The following PCDHGB2 variants were observed in gnomAD, a reference collection of about 807,000 sequenced individuals.
The protein encoded by PCDHGB2 is protocadherin gamma-B2.
A neutral mutation model predicts 59.3 loss-of-function variants in PCDHGB2; 55 were observed. The ratio of observed to expected loss-of-function variants is 0.93; its 90% CI spans 0.75 to 1.16. The LOEUF is 1.16. Among genes scored for constraint, PCDHGB2 ranks in the 50% most tolerant of loss-of-function variants. PCDHGB2 has a pLI of 0.00. For missense variants in PCDHGB2, 1,228 were observed against 1,198.5 expected, an observed-to-expected ratio of 1.02 and a Z score of -0.36; for synonymous variants, 516 against 512.0, an observed-to-expected ratio of 1.01 and a Z score of -0.11.
intron 1 of PCDHGB2, among the ~76,000 whole-genome samples, chr5:141,463,706 A>T (rs568865377): frequency 2.9e-3 from 440 of 152,024 alleles, no homozygotes; most frequent in Non-Finnish European, 4.6e-3. Context: ...TCGGCCTCCA[A>T]AAGTGCTGGG....
intron 1 of PCDHGB2, chr5:141,422,103 A>C: frequency 6.2e-7 from 1 of 1,608,206 alleles, no homozygotes; most frequent in Admixed American, 1.7e-5. Context: ...CTTCTGAAAT[A>C]TTCCAATTGG....
rs2099609528 is a variant in PCDHGB2 at position 141,485,211 on chromosome 5, G to A, written c.2422-9596G>A. 6.2e-7 allele frequency: 1 copy of A among 1,614,126 alleles called. No individual in the cohort carries two copies. The highest frequency in any genetic ancestry group is 8.5e-7 in the Non-Finnish European group (1 of 1,179,980). Reference sequence around the variant, plus strand: ...GTGAGAAGCTGGACAGAAATCTGGCGGTGGGCTACCCTTTTGTTCCTCTTT... The same window carrying A: ...GTGAGAAGCTGGACAGAAATCTGGCAGTGGGCTACCCTTTTGTTCCTCTTT... On this transcript the variant is annotated intron_variant, in intron 1 of 3. Transcript: ENST00000522605. This position sits in a 1 kb window ranked among gnomAD's most constrained non-coding sequence, Gnocchi z 5.7.
intron 1 of PCDHGB2, chr5:141,428,181 AG>A (rs776102500): frequency 6.7e-7 from 1 of 1,486,230 alleles, no homozygotes; most frequent in Admixed American, 1.8e-5. Context: ...GACGGAGGAC[AG>A]CCGCCGCTCT....
chr5:141,394,760 T>C (rs374519404), intron 1 of PCDHGB2: 68 of 1,613,366 alleles, frequency 4.2e-5, no homozygotes, highest in Middle Eastern at 3.3e-4. Flanking sequence ...TCCAGGACCA[T>C]GGCCAGCCCC....
intron 1 of PCDHGB2, chr5:141,441,752 C>A (rs1043293959): frequency 5.3e-6 from 2 of 377,970 alleles, no homozygotes; most frequent in Non-Finnish European, 5.3e-6. Flanking sequence ...TCGGCGTCAA[C>A]GTGAGCCTGC....
chr5:141,360,675 C>T lies in PCDHGB2; in HGVS notation c.540C>T (p.Leu180=). The T allele has an allele frequency of 5.0e-6, 8 of 1,613,980 alleles. No individual in the cohort carries two copies. The highest frequency in any genetic ancestry group is 6.8e-6 in the Non-Finnish European group (8 of 1,179,896). The change falls in exon 1 of 4, where the codon CTC becomes CTT. Residue 180 remains leucine (L), a synonymous_variant. Coordinates refer to ENST00000522605, the MANE Select transcript of PCDHGB2 (RefSeq NM_018923.3). ...TTAATGACAACGAGTACTTTGATCT[C>T]GCTGAGAAACAGACTCCAGATGGTC... ...YHLNDNEYFD[L]AEKQTPDGRK... is the part of the protein sequence containing the mutation.
chr5:141,361,587 T>A lies in PCDHGB2; in HGVS notation c.1452T>A (p.Ser484Arg). ...CCTCTGACCCTGACTTGGGCCCCAG[T>A]GGCCAAGTTTCCTACTCCATCGTAG... is the stretch of plus-strand genomic sequence containing the variant. ...ISASDPDLGP[S>R]GQVSYSIVAS... The change falls in exon 1 of 4, where the codon AGT (serine) becomes AGA (arginine). Residue 484 changes from serine to arginine, a missense_variant. By Grantham distance (110) the Ser-to-Arg change is moderately radical. Around this residue, in one of 3 missense-constraint regions of PCDHGB2, gnomAD observed 781 missense variants for 721.6 expected, o/e 1.08. Coordinates refer to ENST00000522605, the MANE Select transcript of PCDHGB2 (RefSeq NM_018923.3). 1 of 1,614,028 alleles carries A rather than the reference T, an allele frequency of 6.2e-7. No homozygotes were observed. The highest frequency in any genetic ancestry group is 8.5e-7 in the Non-Finnish European group (1 of 1,179,898).
chr5:141,477,634 G>C lies in PCDHGB2; in HGVS notation c.2422-17173G>C. 2 of 1,614,176 alleles carry C rather than the reference G, an allele frequency of 1.2e-6. No individual in the cohort carries two copies. Among genetic ancestry groups the C allele is most frequent in the Non-Finnish European group, 1.7e-6 (2 of 1,180,034 alleles). On this transcript the variant is annotated intron_variant, in intron 1 of 3. Transcript: ENST00000522605. This position sits in a 1 kb window ranked among gnomAD's most constrained non-coding sequence, Gnocchi z 4.9. Reference sequence around the variant, plus strand: ...AGCAAGGAGCTGAAACCGGGCTAGTGGGTCGCTATTTCACAATAAATCGTG... The same window carrying C: ...AGCAAGGAGCTGAAACCGGGCTAGTCGGTCGCTATTTCACAATAAATCGTG...
intron 2 of PCDHGB2, 37 bp downstream of exon 2, chr5:141,494,902 C>T (rs2099757367): frequency 1.9e-6 from 3 of 1,614,024 alleles, no homozygotes; most frequent in Non-Finnish European, 2.5e-6. Flanking sequence ...CTCTTCTCTG[C>T]GGCATTTTCT....
chr5:141,375,451 C>G (rs1561567898), intron 1 of PCDHGB2: 9 of 1,614,016 alleles, frequency 5.6e-6, no homozygotes, highest in Non-Finnish European at 7.6e-6. Flanking sequence ...CCCATTCATC[C>G]TACTCAGTCT....
Position 141,360,908 on chromosome 5 carries a change from G to GCTTC in PCDHGB2, c.774_777dup (p.Phe260LeufsTer13). On this transcript the variant is annotated frameshift_variant, in exon 1 of 4. Transcript: ENST00000522605. LOFTEE classifies it high-confidence loss of function. Reference sequence around the variant, plus strand: ...ACCCTGAGGGAGGACGTGCCGCCGGGCTTCTTTGTGCTTCAAGTGACAGCC... The same window carrying GCTTC: ...ACCCTGAGGGAGGACGTGCCGCCGGGCTTCCTTCTTTGTGCTTCAAGTGACAGCC... 6.2e-7 allele frequency: 1 copy of GCTTC among 1,614,016 alleles called. No homozygotes were observed. Among genetic ancestry groups the GCTTC allele is most frequent in the African/African-American group, 1.3e-5 (1 of 75,048 alleles).
intron 1 of PCDHGB2, among the ~76,000 whole-genome samples, chr5:141,369,558 C>A (rs1389001825): frequency 6.6e-6 from 1 of 152,088 alleles, no homozygotes; most frequent in Non-Finnish European, 1.5e-5. Flanking sequence ...CACTTGGAAA[C>A]AAAGGAAAAG....
intron 1 of PCDHGB2, chr5:141,394,556 C>T (rs752795340): frequency 1.9e-6 from 3 of 1,614,112 alleles, no homozygotes; most frequent in Admixed American, 3.3e-5. Context: ...CGCCCCGCTC[C>T]GCAGAGCGTG....
chr5:141,483,472 T>C (rs1457039859), intron 1 of PCDHGB2, among the ~76,000 whole-genome samples: 2 of 152,076 alleles, frequency 1.3e-5, no homozygotes, highest in Non-Finnish European at 2.9e-5. Flanking sequence ...TGACATGATA[T>C]AGGAAGTGAG....
chr5:141,404,475 A>G, intron 1 of PCDHGB2: 1 of 1,613,732 alleles, frequency 6.2e-7, no homozygotes, highest in Non-Finnish European at 8.5e-7. Flanking sequence ...GTCTCTATTA[A>G]CTCAGACACT....
Position 141,376,079 on chromosome 5 carries a change from G to A in PCDHGB2, c.2421+13523G>A, listed in dbSNP as rs367626751. ...TGTCACGCTCACCGTGGCCGTGGCC[G>A]ACAGGATCCCCGACATCCTGGCCGA... is the stretch of plus-strand genomic sequence containing the variant. On this transcript the variant is annotated intron_variant, in intron 1 of 3. Coordinates refer to ENST00000522605, the MANE Select transcript of PCDHGB2 (RefSeq NM_018923.3). The A allele has an allele frequency of 5.8e-5, 93 of 1,613,564 alleles. No individual in the cohort carries two copies. The highest frequency in any genetic ancestry group is 1.3e-4 in the Admixed American group (8 of 60,010).
At chr5:141,365,720 A>G (rs758782408) in intron 1 of PCDHGB2, 17 of 1,613,732 alleles carry the variant, frequency 1.1e-5, no homozygotes, top group Non-Finnish European at 1.2e-5. Flanking sequence ...TGTCACAGAA[A>G]ACAATCCCAG....
intron 1 of PCDHGB2, among the ~76,000 whole-genome samples, chr5:141,387,106 A>G (rs2090822229): frequency 6.6e-6 from 1 of 152,238 alleles, no homozygotes; most frequent in African/African-American, 2.4e-5. Context: ...GAATCACATA[A>G]TATTCCTGTA....
Position 141,489,213 on chromosome 5 carries a change from T to G in PCDHGB2, c.2422-5594T>G, listed in dbSNP as rs372898969. 11 of 1,473,392 alleles carry G rather than the reference T, an allele frequency of 7.5e-6. No homozygotes were observed. The highest frequency in any genetic ancestry group is 6.4e-6 in the Non-Finnish European group (7 of 1,091,332). 91.3% of individuals were successfully genotyped at this position (1,473,392 alleles called of 1,614,324 possible). On this transcript the variant is annotated intron_variant, in intron 1 of 3. Coordinates refer to ENST00000522605, the MANE Select transcript of PCDHGB2 (RefSeq NM_018923.3). This position sits in a 1 kb window ranked among gnomAD's most constrained non-coding sequence, Gnocchi z 4.5. Reference sequence around the variant, plus strand: ...ACCTTGGAGACAGGACAGCACAGACTTACTCTCCACAAAGGGACTTCTGGG... The same window carrying G: ...ACCTTGGAGACAGGACAGCACAGACGTACTCTCCACAAAGGGACTTCTGGG...
Sources: gnomAD v4.1 joint callset for allele counts (sites outside exome capture counted in the v4.1 genomes callset) on GRCh38, gnomAD v4.1.1 for gene constraint, gnomAD v4.1.1 regional missense constraint, Gnocchi (gnomAD v3.1) non-coding constraint, MANE v1.5 for transcripts, NCBI Gene and HGNC (gene_info 2026-07-23, HGNC 2026-07-21) for gene names.